Variants in COMMD10 observed in about 807,000 individuals in gnomAD.
COMMD10 encodes the protein COMM domain-containing protein 10.
In COMMD10, 33 loss-of-function variants were observed where a neutral mutation model predicts 28.9. The ratio of observed to expected loss-of-function variants is 1.14; its 90% CI spans 0.87 to 1.53. The LOEUF (loss-of-function observed/expected upper bound fraction) is 1.53, where lower values mean the gene tolerates loss of function less well. Ranked by LOEUF, COMMD10 falls within the 40% of genes most tolerant of loss-of-function variation. COMMD10 has a pLI of 0.00. For synonymous variants in COMMD10, 110 were observed against 81.7 expected, an observed-to-expected ratio of 1.35 and a Z score of -1.87; for missense variants, 310 against 233.4, an observed-to-expected ratio of 1.33 and a Z score of -2.14.
intron 4 of COMMD10, among the ~76,000 whole-genome samples, chr5:116,128,073 T>C (rs932665596): frequency 1.3e-5 from 2 of 152,074 alleles, no homozygotes; most frequent in Non-Finnish European, 2.9e-5. Flanking sequence ...GAAAAAACTT[T>C]AATGCTGCTG....
At chr5:116,261,637 C>T (rs1750446936) in intron 5 of COMMD10, among the ~76,000 whole-genome samples, 1 of 151,698 alleles carries the variant, frequency 6.6e-6, no homozygotes. Flanking sequence ...TTCTTTTTAT[C>T]CATTTTGTTG....
chr5:116,092,767 G>C lies in COMMD10; in HGVS notation c.399+67G>C, dbSNP rs1325213763. 28 of 1,159,118 alleles carry C rather than the reference G, an allele frequency of 2.4e-5. No individual in the cohort carries two copies. In the East Asian group the frequency reaches 7.4e-4, roughly 31 times the overall value. 71.8% of individuals were successfully genotyped at this position (1,159,118 alleles called of 1,614,324 possible). On this transcript the variant is annotated intron_variant, in intron 4 of 6. Coordinates refer to ENST00000274458, the MANE Select transcript of COMMD10 (RefSeq NM_016144.4). The stretch of plus-strand genomic sequence containing the variant: ...TGGCATAAATTATTATACCTGAAGA[G>C]TTTTTAAAGTGATAATATTTTGTTG...
chr5:116,088,466 A>G (rs1234462677), intron 2 of COMMD10, among the ~76,000 whole-genome samples: 3 of 152,182 alleles, frequency 2.0e-5, no homozygotes, highest in East Asian at 3.8e-4. Context: ...TGAAACAAAG[A>G]TGTATTATAT....
At chr5:116,096,090 G>A (rs1028420575) in intron 4 of COMMD10, among the ~76,000 whole-genome samples, 6 of 151,938 alleles carry the variant, frequency 3.9e-5, no homozygotes, top group African/African-American at 1.4e-4. Flanking sequence ...GGCAATCCTA[G>A]TTTCTTTGCC....
chr5:116,288,872 C>CTTTTTTTTTTT (rs1157658912), intron 5 of COMMD10, among the ~76,000 whole-genome samples: 1 of 104,358 alleles, frequency 9.6e-6, no homozygotes, highest in African/African-American at 3.7e-5. Flanking sequence ...TGTTCTCTCT[C>CTTTTTTTTTTT]TTTTTTTTTT....
intron 5 of COMMD10, among the ~76,000 whole-genome samples, chr5:116,253,906 G>A (rs1292319360): frequency 5.7e-4 from 87 of 151,344 alleles, no homozygotes; most frequent in East Asian, 3.1e-3. Context: ...GGTAGAATTC[G>A]GCTGTGAATC....
chr5:116,280,837 C>T (rs1369460888), intron 5 of COMMD10, among the ~76,000 whole-genome samples: 1 of 151,836 alleles, frequency 6.6e-6, no homozygotes, highest in Non-Finnish European at 1.5e-5. Flanking sequence ...TATCTGTAGA[C>T]ATATTTAATA....
At chr5:116,118,691 C>A (rs1485263936) in intron 4 of COMMD10, among the ~76,000 whole-genome samples, 1 of 151,276 alleles carries the variant, frequency 6.6e-6, no homozygotes, top group Non-Finnish European at 1.5e-5. Flanking sequence ...AAAAAATTTT[C>A]TCTTTAAAAG....
chr5:116,101,161 G>C (rs1055563994), intron 4 of COMMD10, among the ~76,000 whole-genome samples: 7 of 152,192 alleles, frequency 4.6e-5, no homozygotes, highest in African/African-American at 1.7e-4. Context: ...TGGACACTTA[G>C]GTTGATCCCA....
chr5:116,106,532 A>G (rs1292728738), intron 4 of COMMD10, among the ~76,000 whole-genome samples: 1 of 152,068 alleles, frequency 6.6e-6, no homozygotes, highest in Non-Finnish European at 1.5e-5. Flanking sequence ...CAAGTCCTGG[A>G]TATCCTTGTT....
chr5:116,291,484 C>G (rs749473454), intron 5 of COMMD10, 33 bp from the exon 6 acceptor site: 2 of 1,470,346 alleles, frequency 1.4e-6, no homozygotes, highest in Admixed American at 1.8e-5. Context: ...TTGTGTGCAA[C>G]TACATTCTTT....
intron 5 of COMMD10, among the ~76,000 whole-genome samples, chr5:116,145,745 A>G (rs779841545): frequency 4.6e-5 from 7 of 151,832 alleles, no homozygotes; most frequent in Non-Finnish European, 1.0e-4. Flanking sequence ...TTCTCCTGAT[A>G]GTGAGTGAGT....
intron 4 of COMMD10, among the ~76,000 whole-genome samples, chr5:116,128,276 A>T (rs1162438999): frequency 1.3e-5 from 2 of 152,032 alleles, no homozygotes; most frequent in African/African-American, 4.8e-5. Context: ...ATTCTCAGGT[A>T]AAAGGTAATG....
chr5:116,265,350 C>A (rs1271341395), intron 5 of COMMD10, among the ~76,000 whole-genome samples: 2 of 151,550 alleles, frequency 1.3e-5, no homozygotes, highest in Non-Finnish European at 2.9e-5. Flanking sequence ...CTCAGACAAC[C>A]TATAGGTATG....
chr5:116,284,449 C>T (rs140611992), intron 5 of COMMD10, among the ~76,000 whole-genome samples: 1 of 151,798 alleles, frequency 6.6e-6, no homozygotes, highest in Non-Finnish European at 1.5e-5. Flanking sequence ...TCATAACTCA[C>T]AGCTGTCGTT....
At chr5:116,145,350 G>T (rs966419529) in intron 5 of COMMD10, among the ~76,000 whole-genome samples, 2 of 151,750 alleles carry the variant, frequency 1.3e-5, no homozygotes, top group Middle Eastern at 3.2e-3. Flanking sequence ...AATTGCTCAG[G>T]TGCACATGTG....
intron 4 of COMMD10, among the ~76,000 whole-genome samples, chr5:116,125,084 G>C (rs1318420016): frequency 1.3e-5 from 2 of 152,146 alleles, no homozygotes; most frequent in Non-Finnish European, 2.9e-5. Context: ...GTGTGAATTT[G>C]ATCCTGTCGT....
intron 1 of COMMD10, among the ~76,000 whole-genome samples, chr5:116,085,847 GA>G (rs1750074863): frequency 1.3e-5 from 2 of 152,210 alleles, no homozygotes; most frequent in African/African-American, 4.8e-5. Context: ...GGATTGGGTA[GA>G]AATCTTTCAG....
rs1366318369 is a variant in COMMD10 at position 116,155,321 on chromosome 5, C to CA, written c.510+21144dup. 5.9e-5 allele frequency among the ~76,000 whole-genome samples: 9 copies of CA among 152,126 alleles called. No homozygotes were observed. The East Asian group carries it at 1.5e-3, about 26-fold the overall frequency. ...TAACTGATGACTTGGGTTGTTTGTG[C>CA]ATTGTCCTTATGTTTTATTTATATA... On this transcript the variant is annotated intron_variant, in intron 5 of 6. Coordinates refer to ENST00000274458, the MANE Select transcript of COMMD10 (RefSeq NM_016144.4).
Sources: gnomAD v4.1 joint callset for allele counts (sites outside exome capture counted in the v4.1 genomes callset) on GRCh38, gnomAD v4.1.1 for gene constraint, MANE v1.5 for transcripts, NCBI Gene and HGNC (gene_info 2026-07-23, HGNC 2026-07-21) for gene names.